The following TTC34 variants were observed in gnomAD, a reference collection of about 807,000 sequenced individuals.
The protein encoded by TTC34 is tetratricopeptide repeat protein 34.
TTC34 carries 44 observed loss-of-function variants against 40.7 expected under a neutral mutation model. The ratio of observed to expected loss-of-function variants is 1.08; its 90% confidence interval spans 0.85 to 1.39. The LOEUF (loss-of-function observed/expected upper bound fraction) is 1.39, where lower values mean the gene tolerates loss of function less well. TTC34 is among the 40% of genes most tolerant of loss of function. The pLI, the probability that TTC34 is intolerant of heterozygous loss-of-function variation, is 0.00. For missense variants in TTC34, 884 were observed against 838.0 expected (o/e 1.05, Z -0.68); for synonymous variants, 422 against 398.6 (o/e 1.06, Z -0.70).
chr1:2,753,191 G>C (rs1363852557), intron 6 of TTC34, among the ~76,000 whole-genome samples: 2 of 110,348 alleles, frequency 1.8e-5, no homozygotes, highest in East Asian at 3.2e-4. Flanking sequence ...GTGAGCATCT[G>C]ACATCGTGCA....
rs1007376386 is a variant in TTC34 at position 2,785,809 on chromosome 1, C to T, written c.2059+10G>A. The T allele has an allele frequency of 6.5e-7, 1 of 1,542,554 alleles. No individual in the cohort carries two copies. The highest frequency in any genetic ancestry group is 8.7e-7 in the Non-Finnish European group (1 of 1,143,178). On this transcript the variant is annotated intron_variant, in intron 5 of 8. Transcript: ENST00000401095. ...AGACTGGGCCCTGGGGGCAGGTGGG[C>T]AGCTCCTACCTGCGGCAAAGATGGC...
At chr1:2,685,332 TCTGACAGCCTGG>T in intron 6 of TTC34, among the ~76,000 whole-genome samples, 1 of 129,958 alleles carries the variant, frequency 7.7e-6, no homozygotes, top group African/African-American at 3.3e-5. Flanking sequence ...CAAGCGAGCA[TCTGACAGCCTGG>T]AACGGCACCC....
intron 6 of TTC34, among the ~76,000 whole-genome samples, chr1:2,755,450 C>T (rs1641472549): frequency 1.5e-5 from 1 of 66,062 alleles, no homozygotes. Context: ...CAGCCTGGAG[C>T]AGGACCCACA....
chr1:2,782,628 C>T (rs1048176170), intron 6 of TTC34, among the ~76,000 whole-genome samples: 3 of 152,086 alleles, frequency 2.0e-5, no homozygotes, highest in Non-Finnish European at 4.4e-5. Context: ...TACAGCTATA[C>T]ATTTCCCCCT....
intron 6 of TTC34, among the ~76,000 whole-genome samples, chr1:2,756,728 GCTGGAGCAGCACGCACACCCCCAGT>G (rs1641519840): frequency 2.8e-4 from 1 of 3,536 alleles, no homozygotes; most frequent in Non-Finnish European, 4.5e-4. Context: ...CATCTGACAG[GCTGGAGCAGCACGCACACCCCCAGT>G]TGAGCATCTG....
At chr1:2,692,523 C>G (rs1640669831) in intron 6 of TTC34, among the ~76,000 whole-genome samples, 1 of 112,960 alleles carries the variant, frequency 8.9e-6, no homozygotes, top group East Asian at 2.8e-4. Flanking sequence ...GTGCACGTGA[C>G]AGCTTGGATC....
At chr1:2,682,082 T>C (rs1471879955) in intron 6 of TTC34, among the ~76,000 whole-genome samples, 2 of 117,990 alleles carry the variant, frequency 1.7e-5, no homozygotes, top group African/African-American at 3.4e-5. Context: ...GGTGAGCATC[T>C]GACAGCCTGG....
chr1:2,777,413 A>C (rs1450109016), intron 6 of TTC34, among the ~76,000 whole-genome samples: 1 of 147,110 alleles, frequency 6.8e-6, no homozygotes, highest in East Asian at 2.0e-4. Flanking sequence ...ACAGCACTCC[A>C]CACCTCCAGG....
chr1:2,800,142 A>G, exon 2 of TTC34: 2 of 398,560 alleles, frequency 5.0e-6, no homozygotes, highest in Non-Finnish European at 8.8e-6. Context: ...TTCAGGTGAC[A>G]GGGTGTCACT....
exon 9 of TTC34, chr1:2,637,293 G>T (rs1241743449): frequency 6.6e-6 from 1 of 152,228 alleles, no homozygotes; most frequent in African/African-American, 2.4e-5. Flanking sequence ...ATGGGAAGAT[G>T]GGTTCTCAAT....
intron 6 of TTC34, among the ~76,000 whole-genome samples, chr1:2,675,263 C>A (rs1177366903): frequency 5.1e-3 from 645 of 125,732 alleles, no homozygotes; most frequent in Non-Finnish European, 8.4e-3. Flanking sequence ...ATCTGACAGC[C>A]TGGAAGAGCA....
chr1:2,801,396 C>T (rs985438204), intron 1 of TTC34, among the ~76,000 whole-genome samples, 181 bp downstream of exon 1: 1 of 152,040 alleles, frequency 6.6e-6, no homozygotes, highest in African/African-American at 2.4e-5. Context: ...GGGAGCCACC[C>T]CAGCCCATGG....
intron 6 of TTC34, among the ~76,000 whole-genome samples, chr1:2,682,041 T>G (rs1456709790): frequency 4.7e-5 from 4 of 85,874 alleles, no homozygotes; most frequent in African/African-American, 4.7e-5. Context: ...GGTGAGCATC[T>G]GACATTGTGG....
chr1:2,756,897 G>GCAC (rs2100449275), intron 6 of TTC34, among the ~76,000 whole-genome samples: 1 of 149,918 alleles, frequency 6.7e-6, no homozygotes, highest in Non-Finnish European at 1.5e-5. Context: ...GTCTGGAGCA[G>GCAC]TACCCACACC....
chr1:2,675,416 C>A (rs1639870185), intron 6 of TTC34, among the ~76,000 whole-genome samples: 7 of 121,534 alleles, frequency 5.8e-5, no homozygotes, highest in Admixed American at 4.1e-4. Flanking sequence ...AGGTGAGCAT[C>A]TGACAGCCTG....
At chr1:2,756,758 C>A (rs1641520946) in intron 6 of TTC34, among the ~76,000 whole-genome samples, 2 of 143,644 alleles carry the variant, frequency 1.4e-5, no homozygotes, top group Non-Finnish European at 1.5e-5. Context: ...CCCAGTTGAG[C>A]ATCTGACAGC....
rs1483157012 is a variant in TTC34, at chr1:2,796,275, A to T, written c.784+3769T>A. On this transcript the variant is annotated intron_variant, in intron 2 of 8. Coordinates refer to ENST00000401095, the Ensembl canonical transcript of TTC34. The surrounding 1 kb of genome is among the most constrained non-coding windows in gnomAD (Gnocchi z 4.5). ...ACTGGTTTGTGCAATGTTTCCAAGG[A>T]CTTTGGAAAGTAACCTCCAGATGGA... Among the ~76,000 whole-genome samples the T allele has an allele frequency of 2.0e-5, 3 of 152,162 alleles. No individual in the cohort carries two copies. In the East Asian group the frequency reaches 5.8e-4, roughly 29 times the overall value.
intron 6 of TTC34, among the ~76,000 whole-genome samples, chr1:2,686,455 CT>C (rs1640352843): frequency 1.4e-5 from 2 of 140,734 alleles, no homozygotes; most frequent in South Asian, 4.6e-4. Flanking sequence ...AGGTGAGCAT[CT>C]GACAGACTGG....
chr1:2,798,216 C>A (rs1219451063), intron 2 of TTC34, among the ~76,000 whole-genome samples: 1 of 79,956 alleles, frequency 1.3e-5, no homozygotes, highest in African/African-American at 3.7e-5. Context: ...CTCCCCAGCC[C>A]CCCAGCCTCC....
Sources: gnomAD v4.1 joint callset for allele counts (sites outside exome capture counted in the v4.1 genomes callset) on GRCh38, gnomAD v4.1.1 for gene constraint, Gnocchi (gnomAD v3.1) non-coding constraint, MANE v1.5 for transcripts, NCBI Gene and HGNC (gene_info 2026-07-23, HGNC 2026-07-21) for gene names.